NCL: variants seen among roughly 807,000 people sequenced by gnomAD.
The protein encoded by NCL is nucleolin multifunctional protein.
Under a neutral mutation model 77.7 loss-of-function variants are expected in NCL, and 4 were observed. The observed-to-expected ratio is 0.05, with a 90% CI of 0.03 to 0.12. The LOEUF is 0.12. Ranked by LOEUF, NCL falls within the 10% of genes least tolerant of loss-of-function variation. NCL has a pLI of 1.00. For missense variants in NCL, 763 were observed against 860.9 expected, an observed-to-expected ratio of 0.89 and a Z score of 1.42; for synonymous variants, 344 against 297.8, an observed-to-expected ratio of 1.16 and a Z score of -1.60.
chr2:231,453,940 T>C lies in NCL; in HGVS notation c.*1251A>G, dbSNP rs1342847714. ...TTTTGGGCACTGGGTTTCAAGTAAA[T>C]TCATCACAATGTTGATAGTCCCGCC... is the stretch of plus-strand genomic sequence containing the variant. On this transcript the variant is annotated 3_prime_UTR_variant, in exon 14 of 14. Transcript: ENST00000322723. The C allele has an allele frequency of 3.3e-5, 5 of 152,220 alleles. No individual in the cohort carries two copies. In the East Asian group the frequency reaches 9.6e-4, roughly 29 times the overall value. 9.4% of individuals were successfully genotyped at this position (152,220 alleles called of 1,614,324 possible). A position where few individuals can be genotyped will look rare whatever the true frequency, so the allele number is the denominator to read the frequency against.
rs756448509 is a variant in NCL, at chr2:231,463,272, TGGA to T, written c.60_62del (p.Pro21del). 4 of 1,612,958 alleles carry T rather than the reference TGGA, an allele frequency of 2.5e-6. No individual in the cohort carries two copies. The highest frequency in any genetic ancestry group is 2.7e-5 in the African/African-American group (2 of 74,882). Reference sequence around the variant, plus strand: ...CTTCACTATCTTCTTCTACCTCCTTTGGAGGAGGAGCCATTTTCTTGGGGTCAC... The same window carrying T: ...CTTCACTATCTTCTTCTACCTCCTTTGGAGGAGCCATTTTCTTGGGGTCAC... On this transcript the variant is annotated inframe_deletion, in exon 2 of 14. Coordinates refer to ENST00000322723, the MANE Select transcript of NCL (RefSeq NM_005381.3).
chr2:231,457,157 T>C (rs769278079), intron 9 of NCL, 33 bp from the exon 10 acceptor site: 1 of 1,612,420 alleles, frequency 6.2e-7, no homozygotes, highest in Non-Finnish European at 8.5e-7. Flanking sequence ...CCTAAGACTC[T>C]GAAACAGTGG....
rs1016083553 is a variant in NCL at position 231,455,116 on chromosome 2, G to A, written c.*75C>T. On this transcript the variant is annotated 3_prime_UTR_variant, in exon 14 of 14. Coordinates refer to ENST00000322723, the MANE Select transcript of NCL (RefSeq NM_005381.3). ...TCTTGGAATGTCCTCAGAAGGCTCT[G>A]TCATTGATCAGGTAACAGTAAAAAC... 61 of 1,517,792 alleles carry A rather than the reference G, an allele frequency of 4.0e-5. No homozygotes were observed. The highest frequency in any genetic ancestry group is 5.4e-5 in the Non-Finnish European group (59 of 1,095,218). 94.0% of individuals were successfully genotyped at this position (1,517,792 alleles called of 1,614,324 possible).
rs968001836 is a variant in NCL, at chr2:231,461,283, A to T, written c.613+257T>A. 5.1e-5 allele frequency among the ~76,000 whole-genome samples: 7 copies of T among 137,026 alleles called. No individual in the cohort carries two copies. The East Asian group carries it at 1.1e-3, about 21-fold the overall frequency. The allele number at this position is 137,026 out of a possible 152,430, so 89.9% of individuals were successfully genotyped here. A position where few individuals can be genotyped will look rare whatever the true frequency, so the allele number is the denominator to read the frequency against. ...ACAGCAAAAGCTCCATCTCAAAAAA[A>T]TTTAAAAAAAAAAAAAATCACTTAG... On this transcript the variant is annotated intron_variant, in intron 3 of 13. Transcript: ENST00000322723.
At chr2:231,459,197 G>A in intron 6 of NCL, 72 bp from the exon 7 acceptor site, 1 of 1,406,168 alleles carries the variant, frequency 7.1e-7, no homozygotes, top group South Asian at 1.6e-5. Flanking sequence ...ATGTATTCTA[G>A]ACAAATGTGA....
intron 1 of NCL, chr2:231,464,054 T>G: frequency 8.2e-7 from 1 of 1,219,614 alleles, no homozygotes; most frequent in Non-Finnish European, 1.0e-6. Flanking sequence ...TCGCAAAAGT[T>G]TGGTCTCATC....
chr2:231,457,469 A>C, intron 9 of NCL, 174 bp downstream of exon 9: 3 of 800,326 alleles, frequency 3.7e-6, no homozygotes, highest in Non-Finnish European at 6.3e-6. Flanking sequence ...GCTCTCATTC[A>C]AGATTGGAAA....
rs545358994 is a variant in NCL at position 231,463,521 on chromosome 2, T to C, written c.19-205A>G. 1.4e-4 allele frequency: 78 copies of C among 554,762 alleles called. No homozygotes were observed. The East Asian group carries it at 2.5e-3, about 18-fold the overall frequency. 34.4% of individuals were successfully genotyped at this position (554,762 alleles called of 1,614,324 possible). Reference sequence around the variant, plus strand: ...CGCCCACATTTTTCCTCCCAGGCTTTACCAACAGAAAACCTGCCCTAAGGT... The same window carrying C: ...CGCCCACATTTTTCCTCCCAGGCTTCACCAACAGAAAACCTGCCCTAAGGT... On this transcript the variant is annotated intron_variant, in intron 1 of 13. Transcript: ENST00000322723.
chr2:231,462,797 G>C (rs78097717), intron 2 of NCL, among the ~76,000 whole-genome samples: 12,638 of 152,220 alleles, frequency 0.083, 702 homozygotes, highest in East Asian at 0.21. Flanking sequence ...GTATTACAAA[G>C]TTTATATATA....
At chr2:231,456,788 A>C in intron 10 of NCL, 24 bp from the exon 11 acceptor site, 1 of 1,612,888 alleles carries the variant, frequency 6.2e-7, no homozygotes, top group South Asian at 1.1e-5. Context: ...GTTAATGCTT[A>C]GAGTAAGTTA....
intron 1 of NCL, 185 bp downstream of exon 1, chr2:231,464,151 G>A: frequency 1.4e-6 from 2 of 1,405,350 alleles, no homozygotes; most frequent in Non-Finnish European, 1.9e-6. Context: ...ACCTGCAGAA[G>A]CTCTTCACCT....
chr2:231,464,433 T>C lies in NCL; in HGVS notation c.-80A>G. The C allele has an allele frequency of 6.5e-7, 1 of 1,542,616 alleles. No individual in the cohort carries two copies. The highest frequency in any genetic ancestry group is 1.2e-5 in the South Asian group (1 of 84,826). The stretch of plus-strand genomic sequence containing the variant: ...AAGCGACGGCGATGGCGGCCGCGGG[T>C]GCTGAAGATCCCGGAGCACGTACAC... On this transcript the variant is annotated 5_prime_UTR_variant, in exon 1 of 14. Transcript: ENST00000322723.
In NCL at chr2:231,461,682, CTCATCCTCCTCACTGTCA is replaced by C. The variant is rs755028009; in HGVS notation, c.453_470del (p.Asp151_Asp156del). On this transcript the variant is annotated inframe_deletion, in exon 3 of 14. Coordinates refer to ENST00000322723, the MANE Select transcript of NCL (RefSeq NM_005381.3). ...CCTCATCCTCGTCCTCGTCATCCTCCTCATCCTCCTCACTGTCATCATCCTCCTCTTCATCACTGTCTT... is the reference window on the plus strand; with the variant it reads ...CCTCATCCTCGTCCTCGTCATCCTCCTCATCCTCCTCTTCATCACTGTCTT... 13 of 1,612,354 alleles carry C rather than the reference CTCATCCTCCTCACTGTCA, an allele frequency of 8.1e-6. No homozygotes were observed. The highest frequency in any genetic ancestry group is 2.7e-5 in the African/African-American group (2 of 74,870).
intron 11 of NCL, 65 bp downstream of exon 11, chr2:231,456,566 C>A: frequency 6.2e-7 from 1 of 1,606,958 alleles, no homozygotes. Context: ...AGAATTTGTG[C>A]AAAAAATAAA....
At chr2:231,460,432 A>G in intron 5 of NCL, 46 bp downstream of exon 5, 1 of 1,592,650 alleles carries the variant, frequency 6.3e-7, no homozygotes, top group East Asian at 2.2e-5. Context: ...GTTATTCATC[A>G]TTTGTGCTGT....
At chr2:231,458,755 T>C (rs2046917645) in intron 7 of NCL, 4 of 445,458 alleles carry the variant, frequency 9.0e-6, no homozygotes, top group African/African-American at 2.0e-5. Flanking sequence ...GTGCATCTAA[T>C]AATTCTTGTT....
intron 10 of NCL, 118 bp from the exon 11 acceptor site, chr2:231,456,882 C>A: frequency 6.4e-7 from 1 of 1,551,266 alleles, no homozygotes; most frequent in Non-Finnish European, 8.7e-7. Flanking sequence ...CTTTATTTTA[C>A]ACTCATTTAC....
chr2:231,459,431 T>A (rs1020344065), intron 6 of NCL, among the ~76,000 whole-genome samples: 1 of 152,148 alleles, frequency 6.6e-6, no homozygotes, highest in Non-Finnish European at 1.5e-5. Flanking sequence ...CCTGTCTGGA[T>A]AAAAGTATTC....
At chr2:231,458,936 C>CA in intron 7 of NCL, 65 bp downstream of exon 7, 1 of 1,415,128 alleles carries the variant, frequency 7.1e-7, no homozygotes, top group African/African-American at 1.5e-5. Flanking sequence ...AAATGGGTTA[C>CA]AAAGCATTTT....
Sources: allele counts gnomAD v4.1 joint callset (sites outside exome capture counted in the v4.1 genomes callset), GRCh38; gene constraint gnomAD v4.1.1; transcripts MANE v1.5; gene names NCBI Gene and HGNC (gene_info 2026-07-23, HGNC 2026-07-21).